ZNF385B: variants seen among roughly 807,000 people sequenced by gnomAD.
ZNF385B encodes the protein zinc finger protein 385B, also known as zinc finger protein 533.
Under a neutral mutation model 39.2 loss-of-function variants are expected in ZNF385B, and 23 were observed. That is an observed-to-expected ratio of 0.59 (90% CI 0.42 to 0.83). The LOEUF (loss-of-function observed/expected upper bound fraction) is 0.83. Ranked by LOEUF, ZNF385B falls within the 40% of genes least tolerant of loss-of-function variation. ZNF385B has a pLI of 0.00. For missense variants in ZNF385B, 552 were observed against 598.9 expected, an observed-to-expected ratio of 0.92 and a Z score of 0.82; for synonymous variants, 205 against 222.6, an observed-to-expected ratio of 0.92 and a Z score of 0.70.
chr2:179,629,820 C>A (rs887268250), intron 3 of ZNF385B, among the ~76,000 whole-genome samples: 1 of 152,244 alleles, frequency 6.6e-6, no homozygotes, highest in Admixed American at 6.5e-5. Flanking sequence ...CCAAATACTG[C>A]GCTTTTCCCA....
At chr2:179,763,126 A>G (rs1172866453) in intron 3 of ZNF385B, among the ~76,000 whole-genome samples, 1 of 152,102 alleles carries the variant, frequency 6.6e-6, no homozygotes, top group Non-Finnish European at 1.5e-5. Flanking sequence ...GCTGGTATCA[A>G]CACCTGACCT....
intron 3 of ZNF385B, among the ~76,000 whole-genome samples, chr2:179,698,734 C>T (rs1412597181): frequency 6.6e-6 from 1 of 152,086 alleles, no homozygotes; most frequent in East Asian, 1.9e-4. Flanking sequence ...AATACAACTT[C>T]CAGATATCAG....
At chr2:179,777,976 G>T (rs1351617583) in intron 1 of ZNF385B, among the ~76,000 whole-genome samples, 1 of 151,932 alleles carries the variant, frequency 6.6e-6, no homozygotes, top group African/African-American at 2.4e-5. Flanking sequence ...TCACCATGTT[G>T]TCTGGGCTGG....
chr2:179,687,333 A>G (rs1453076927), intron 3 of ZNF385B, among the ~76,000 whole-genome samples: 2 of 151,872 alleles, frequency 1.3e-5, no homozygotes, highest in Non-Finnish European at 1.5e-5. Flanking sequence ...AGGAATCTAC[A>G]TTTTGTAATT....
chr2:179,485,483 T>C (rs2105610758), intron 5 of ZNF385B, among the ~76,000 whole-genome samples: 1 of 152,290 alleles, frequency 6.6e-6, no homozygotes, highest in East Asian at 1.9e-4. Flanking sequence ...CAGCCATAGC[T>C]AGTTCAGCAG....
At chr2:179,552,495 A>C (rs1358324438) in intron 3 of ZNF385B, among the ~76,000 whole-genome samples, 1 of 149,424 alleles carries the variant, frequency 6.7e-6, no homozygotes, top group East Asian at 1.9e-4. Flanking sequence ...TCAATTATAG[A>C]ACTCCAAAAG....
intron 5 of ZNF385B, among the ~76,000 whole-genome samples, chr2:179,501,545 G>T (rs1296043700): frequency 6.6e-6 from 1 of 152,106 alleles, no homozygotes; most frequent in Admixed American, 6.5e-5. Flanking sequence ...TAAAGTCATG[G>T]ACACAGAGAG....
At chr2:179,847,549 T>G (rs148871689) in intron 1 of ZNF385B, among the ~76,000 whole-genome samples, 128 of 152,376 alleles carry the variant, frequency 8.4e-4, no homozygotes, top group African/African-American at 2.9e-3. Context: ...CAGTTTTGTA[T>G]GGCTGTCTCC....
intron 3 of ZNF385B, among the ~76,000 whole-genome samples, chr2:179,706,402 T>C (rs887348107): frequency 2.0e-5 from 3 of 152,142 alleles, no homozygotes; most frequent in African/African-American, 7.2e-5. Context: ...GCCATCCCTA[T>C]TTGAAGTCAA....
chr2:179,512,524 C>T (rs964295144), intron 5 of ZNF385B, among the ~76,000 whole-genome samples: 3 of 152,108 alleles, frequency 2.0e-5, no homozygotes, highest in Non-Finnish European at 4.4e-5. Flanking sequence ...TAGCTCATTT[C>T]CCCGGCAAAG....
At chr2:179,846,803 T>G (rs1708823167) in intron 1 of ZNF385B, among the ~76,000 whole-genome samples, 1 of 152,256 alleles carries the variant, frequency 6.6e-6, no homozygotes. Flanking sequence ...TGCTTCCAAG[T>G]GATCCTGGTG....
intron 3 of ZNF385B, among the ~76,000 whole-genome samples, chr2:179,548,814 C>T (rs2060391302): frequency 6.7e-6 from 1 of 149,394 alleles, no homozygotes; most frequent in African/African-American, 2.5e-5. Context: ...CACCAGGTCT[C>T]TTCCATGACA....
intron 5 of ZNF385B, among the ~76,000 whole-genome samples, chr2:179,501,907 T>G (rs762744403): frequency 6.6e-6 from 1 of 152,188 alleles, no homozygotes; most frequent in Non-Finnish European, 1.5e-5. Context: ...TAAATAAATT[T>G]TATATGAATG....
intron 5 of ZNF385B, among the ~76,000 whole-genome samples, chr2:179,488,252 C>T (rs1313851081): frequency 6.6e-6 from 1 of 152,126 alleles, no homozygotes; most frequent in African/African-American, 2.4e-5. Flanking sequence ...TCAAGTGATT[C>T]CCCTGCTTCA....
At chr2:179,778,375 C>T (rs567134657) in intron 1 of ZNF385B, among the ~76,000 whole-genome samples, 30 of 152,290 alleles carry the variant, frequency 2.0e-4, no homozygotes, top group Middle Eastern at 3.4e-3. Flanking sequence ...ACCATAAACA[C>T]TTTTCTAAGA....
intron 6 of ZNF385B, among the ~76,000 whole-genome samples, chr2:179,477,812 A>G (rs1357084628): frequency 6.7e-6 from 1 of 148,470 alleles, no homozygotes; most frequent in African/African-American, 2.6e-5. Context: ...AACTTCTAAA[A>G]CTTTTCTTCT....
chr2:179,666,672 A>G (rs968226930), intron 3 of ZNF385B, among the ~76,000 whole-genome samples: 1 of 152,154 alleles, frequency 6.6e-6, no homozygotes, highest in Non-Finnish European at 1.5e-5. Context: ...AATCATAAGA[A>G]TATTTATTCA....
chr2:179,739,219 A>G (rs1701944578), intron 3 of ZNF385B, among the ~76,000 whole-genome samples: 1 of 152,192 alleles, frequency 6.6e-6, no homozygotes, highest in African/African-American at 2.4e-5. Context: ...CATTCCTGTT[A>G]TTATTAAGTC....
intron 1 of ZNF385B, among the ~76,000 whole-genome samples, chr2:179,779,586 T>C (rs879604329): frequency 2.1e-4 from 32 of 152,194 alleles, no homozygotes; most frequent in Non-Finnish European, 4.4e-4. Context: ...TTCAGGACTA[T>C]TACAATTTTC....
Sources: allele counts gnomAD v4.1 joint callset (sites outside exome capture counted in the v4.1 genomes callset), GRCh38; gene constraint gnomAD v4.1.1; transcripts MANE v1.5; gene names NCBI Gene and HGNC (gene_info 2026-07-23, HGNC 2026-07-21).